WASF1: variants seen among roughly 807,000 people sequenced by gnomAD.
The protein encoded by WASF1 is actin-binding protein WASF1.
In WASF1, 7 loss-of-function variants were observed where a neutral mutation model predicts 50.5. That is an observed-to-expected ratio of 0.14 (90% confidence interval 0.08 to 0.26). WASF1 has a LOEUF of 0.26. WASF1 is among the 10% of genes least tolerant of loss of function. The probability of loss-of-function intolerance (pLI) is 1.00; values close to 1 mark genes in which losing one functional copy is unlikely to be tolerated. For missense variants in WASF1, 470 were observed against 694.7 expected, an observed-to-expected ratio of 0.68 and a Z score of 3.64; for synonymous variants, 205 against 244.0, an observed-to-expected ratio of 0.84 and a Z score of 1.49.
At chr6:110,170,300 G>A (rs577324103) in intron 2 of WASF1, among the ~76,000 whole-genome samples, 2 of 152,188 alleles carry the variant, frequency 1.3e-5, no homozygotes, top group South Asian at 4.1e-4. Flanking sequence ...TTGGCTCACT[G>A]CAAACTCCGC....
In WASF1 at chr6:110,101,795, G is replaced by A. The variant is rs1296238543; in HGVS notation, c.1315C>T (p.Pro439Ser). 1 of 1,614,114 alleles carries A rather than the reference G, an allele frequency of 6.2e-7. No homozygotes were observed. Among genetic ancestry groups the A allele is most frequent in the Non-Finnish European group, 8.5e-7 (1 of 1,180,012 alleles). The change falls in exon 10 of 11, where the codon CCA becomes TCA. Residue 439 changes from proline (P) to serine (S), a missense_variant. By Grantham distance (74) the Pro-to-Ser change is moderately conservative. Around this residue, in one of 3 missense-constraint regions of WASF1, gnomAD observed 294 missense variants for 343.5 expected, o/e 0.86. Transcript: ENST00000392589. ...GCTGTAACTGTGACAGGTGATGATG[G>A]TCGAATGCCAGGTGGAGGCAGAGGA... ...PPPLPPPGIR[P>S]SSPVTVTALA...
intron 2 of WASF1, among the ~76,000 whole-genome samples, chr6:110,174,052 G>A (rs947400924): frequency 3.3e-5 from 5 of 152,020 alleles, no homozygotes; most frequent in East Asian, 1.9e-4. Context: ...CCTTAACCTC[G>A]TTAAACCAAA....
intron 5 of WASF1, among the ~76,000 whole-genome samples, chr6:110,111,138 A>G (rs1417868990): frequency 1.3e-5 from 2 of 152,146 alleles, no homozygotes; most frequent in Non-Finnish European, 2.9e-5. Context: ...GTTGATTTTT[A>G]TTTCTGTTAC....
At chr6:110,126,396 C>A (rs1774418292) in intron 4 of WASF1, among the ~76,000 whole-genome samples, 1 of 152,108 alleles carries the variant, frequency 6.6e-6, no homozygotes, top group Non-Finnish European at 1.5e-5. Flanking sequence ...TACTATTTCA[C>A]AGGCAATGCA....
rs1356026850 is a variant in WASF1, at chr6:110,117,477, GAAAC to G, written c.134-4021_134-4018del. On this transcript the variant is annotated intron_variant, in intron 4 of 10. Coordinates refer to ENST00000392589, the MANE Select transcript of WASF1 (RefSeq NM_003931.3). ...AGATCAGATAAAAAAAGAGTGAAAA[GAAAC>G]AAACAAAGCCTCCAAGAAATATAGG... 9.9e-5 allele frequency among the ~76,000 whole-genome samples: 15 copies of G among 152,178 alleles called. No individual in the cohort carries two copies. In the East Asian group the frequency reaches 2.1e-3, roughly 22 times the overall value.
intron 3 of WASF1, among the ~76,000 whole-genome samples, chr6:110,134,865 T>G (rs1209889642): frequency 6.6e-6 from 1 of 152,202 alleles, no homozygotes; most frequent in Non-Finnish European, 1.5e-5. Flanking sequence ...CCTTTTTTGG[T>G]TCCATATGAA....
intron 4 of WASF1, among the ~76,000 whole-genome samples, chr6:110,126,681 A>C (rs937227014): frequency 6.6e-6 from 1 of 152,242 alleles, no homozygotes; most frequent in African/African-American, 2.4e-5. Flanking sequence ...TTAAAATGAA[A>C]TATCAATGTC....
chr6:110,124,935 T>C (rs1445098508), intron 4 of WASF1, among the ~76,000 whole-genome samples: 1 of 151,952 alleles, frequency 6.6e-6, no homozygotes, highest in Non-Finnish European at 1.5e-5. Flanking sequence ...GGAAGTACAT[T>C]TTTGTGAGGA....
In WASF1 at chr6:110,147,122, T is replaced by C. The variant is rs368502885; in HGVS notation, c.-29+13513A>G. 3.4e-3 allele frequency among the ~76,000 whole-genome samples: 517 copies of C among 150,542 alleles called. 3 individuals are homozygous for C. Among genetic ancestry groups the C allele is most frequent in the Middle Eastern group, 6.8e-3 (2 of 294 alleles). Reference sequence around the variant, plus strand: ...CAGCACTTTGGGAGGCCGAGGAGGGTGGATCACGAGGTCAGGAGATCGAGA... The same window carrying C: ...CAGCACTTTGGGAGGCCGAGGAGGGCGGATCACGAGGTCAGGAGATCGAGA... On this transcript the variant is annotated intron_variant, in intron 3 of 10. Coordinates refer to ENST00000392589, the MANE Select transcript of WASF1 (RefSeq NM_003931.3).
intron 4 of WASF1, among the ~76,000 whole-genome samples, chr6:110,124,331 G>A (rs1336839100): frequency 2.5e-5 from 3 of 120,318 alleles, no homozygotes; most frequent in Admixed American, 1.9e-4. Context: ...CAACTGTGAC[G>A]GGGCAACCTG....
chr6:110,122,604 G>A (rs570426584), intron 4 of WASF1, among the ~76,000 whole-genome samples: 23 of 152,116 alleles, frequency 1.5e-4, no homozygotes, highest in Non-Finnish European at 2.8e-4. Context: ...TGAAGATAAC[G>A]AGGATGAAGA....
chr6:110,145,268 A>G (rs1255979567), intron 3 of WASF1, among the ~76,000 whole-genome samples: 2 of 152,150 alleles, frequency 1.3e-5, no homozygotes, highest in East Asian at 1.9e-4. Context: ...TTTGTCTGTT[A>G]TTGGTGTATA....
chr6:110,139,781 C>T (rs1007580453), intron 3 of WASF1, among the ~76,000 whole-genome samples: 4 of 152,078 alleles, frequency 2.6e-5, no homozygotes, highest in Admixed American at 2.6e-4. Context: ...TAGTACTGAG[C>T]CTATATATAC....
At chr6:110,151,461 T>A (rs1271489712) in intron 3 of WASF1, among the ~76,000 whole-genome samples, 2 of 152,212 alleles carry the variant, frequency 1.3e-5, no homozygotes, top group African/African-American at 4.8e-5. Context: ...GATAAAAGCA[T>A]CCTACATGTT....
chr6:110,100,362 A>G lies in WASF1; in HGVS notation c.*160T>C. Reference sequence around the variant, plus strand: ...CTGTAAAACATTTAGTTTGAAATGTATGCTAATATTTTCCTTAGAAATCAA... The same window carrying G: ...CTGTAAAACATTTAGTTTGAAATGTGTGCTAATATTTTCCTTAGAAATCAA... On this transcript the variant is annotated 3_prime_UTR_variant, in exon 11 of 11. Coordinates refer to ENST00000392589, the MANE Select transcript of WASF1 (RefSeq NM_003931.3). The G allele has an allele frequency of 1.5e-6, 1 of 677,842 alleles. No homozygotes were observed. The highest frequency in any genetic ancestry group is 2.3e-6 in the Non-Finnish European group (1 of 435,362). 42.0% of individuals were successfully genotyped at this position (677,842 alleles called of 1,614,324 possible). A position where few individuals can be genotyped will look rare whatever the true frequency, so the allele number is the denominator to read the frequency against.
chr6:110,169,890 A>G (rs1382383968), intron 2 of WASF1, among the ~76,000 whole-genome samples: 1 of 152,174 alleles, frequency 6.6e-6, no homozygotes, highest in Admixed American at 6.5e-5. Flanking sequence ...AAATTAAGAA[A>G]CCAAACAGCA....
chr6:110,176,604 T>C (rs554917313), intron 2 of WASF1, among the ~76,000 whole-genome samples: 12 of 152,086 alleles, frequency 7.9e-5, no homozygotes, highest in Admixed American at 4.6e-4. Flanking sequence ...AATATATTAA[T>C]TCAATGGATA....
At chr6:110,135,718 TA>T (rs1562175989) in intron 3 of WASF1, among the ~76,000 whole-genome samples, 2 of 142,330 alleles carry the variant, frequency 1.4e-5, no homozygotes, top group African/African-American at 5.3e-5. Context: ...ATAGGAAGAT[TA>T]TCTTTTTTTT....
rs201897560 is a variant in WASF1 at position 110,101,569 on chromosome 6, A to G, written c.1522+19T>C. The G allele has an allele frequency of 1.5e-3, 2,433 of 1,590,596 alleles. 1 individual carries two copies. The highest frequency in any genetic ancestry group is 2.0e-3 in the Non-Finnish European group (2,298 of 1,166,876). On this transcript the variant is annotated intron_variant, in intron 10 of 10. Transcript: ENST00000392589. ...CAATGCTACTATAGCAATGCTTTTC[A>G]TGGAGCTGAGAAAATTACCTTTTCG... is the stretch of plus-strand genomic sequence containing the variant.
Sources: gnomAD v4.1 joint callset for allele counts (sites outside exome capture counted in the v4.1 genomes callset) on GRCh38, gnomAD v4.1.1 for gene constraint, gnomAD v4.1.1 regional missense constraint, MANE v1.5 for transcripts, NCBI Gene and HGNC (gene_info 2026-07-23, HGNC 2026-07-21) for gene names.